The following ROBO1 variants were observed in gnomAD, a reference collection of about 807,000 sequenced individuals.
The protein encoded by ROBO1 is roundabout guidance receptor 1.
ROBO1 carries 149 observed loss-of-function variants against 195.9 expected under a neutral mutation model. That is an observed-to-expected ratio of 0.76 (90% confidence interval 0.67 to 0.87). The LOEUF is 0.87. Ranked by LOEUF, ROBO1 falls within the 40% of genes least tolerant of loss-of-function variation. The pLI, the probability that ROBO1 is intolerant of heterozygous loss-of-function variation, is 0.00. For missense variants in ROBO1, 1,933 were observed against 2,068.3 expected (o/e 0.93, Z 1.27); for synonymous variants, 816 against 733.2 (o/e 1.11, Z -1.82).
intron 2 of ROBO1, among the ~76,000 whole-genome samples, chr3:79,333,018 A>G (rs1415451330): frequency 1.3e-5 from 2 of 152,038 alleles, no homozygotes; most frequent in African/African-American, 4.8e-5. Flanking sequence ...CCCGACCAAT[A>G]CGGCGAAACC....
intron 1 of ROBO1, among the ~76,000 whole-genome samples, chr3:79,647,931 T>A (rs971349881): frequency 6.6e-6 from 1 of 152,170 alleles, no homozygotes; most frequent in African/African-American, 2.4e-5. Flanking sequence ...TCACATTTAT[T>A]TCAATGTCTC....
chr3:79,505,388 A>C (rs181539048), intron 2 of ROBO1, among the ~76,000 whole-genome samples: 35 of 152,280 alleles, frequency 2.3e-4, no homozygotes, highest in Non-Finnish European at 3.8e-4. Context: ...CAATGATATA[A>C]GAAAGACACA....
intron 2 of ROBO1, among the ~76,000 whole-genome samples, chr3:79,304,621 T>G (rs2033136624): frequency 6.6e-6 from 1 of 152,332 alleles, no homozygotes; most frequent in East Asian, 1.9e-4. Context: ...AAACAACATA[T>G]ATTTATTATT....
chr3:79,424,185 T>C (rs2038346756), intron 2 of ROBO1, among the ~76,000 whole-genome samples: 1 of 152,128 alleles, frequency 6.6e-6, no homozygotes, highest in African/African-American at 2.4e-5. Context: ...TCTACATTTT[T>C]AATTGTAGAA....
chr3:79,125,563 G>A, intron 2 of ROBO1, 24 bp from the exon 3 acceptor site: 1 of 1,588,438 alleles, frequency 6.3e-7, no homozygotes, highest in Non-Finnish European at 8.6e-7. Flanking sequence ...CACCAGAGCT[G>A]CTGATGGGGT....
chr3:79,139,057 G>A (rs940137870), intron 2 of ROBO1, among the ~76,000 whole-genome samples: 1 of 151,464 alleles, frequency 6.6e-6, no homozygotes, highest in Non-Finnish European at 1.5e-5. Flanking sequence ...TTAATTTGGG[G>A]TACATCTAGC....
chr3:79,427,956 A>G (rs115915640), intron 2 of ROBO1, among the ~76,000 whole-genome samples: 1 of 152,156 alleles, frequency 6.6e-6, no homozygotes, highest in African/African-American at 2.4e-5. Context: ...ATATGAAGTT[A>G]AAAAGCTTCT....
At chr3:78,651,950 T>G in intron 18 of ROBO1, 21 bp from the exon 19 acceptor site, 1 of 1,601,382 alleles carries the variant, frequency 6.2e-7, no homozygotes. Context: ...ATCTTCCGAT[T>G]AATTTGGGTT....
chr3:79,509,297 C>A (rs755507607), intron 2 of ROBO1, among the ~76,000 whole-genome samples: 1 of 151,474 alleles, frequency 6.6e-6, no homozygotes. Flanking sequence ...ATATTTATGG[C>A]GGAATTAAAT....
At chr3:78,946,350 A>G (rs541715363) in intron 3 of ROBO1, among the ~76,000 whole-genome samples, 1 of 152,364 alleles carries the variant, frequency 6.6e-6, no homozygotes, top group Non-Finnish European at 1.5e-5. Context: ...AAGCTAGAGG[A>G]GAGTGGGGAC....
At chr3:79,359,722 C>A (rs1218538266) in intron 2 of ROBO1, among the ~76,000 whole-genome samples, 1 of 151,912 alleles carries the variant, frequency 6.6e-6, no homozygotes, top group Non-Finnish European at 1.5e-5. Context: ...CTGAACACTT[C>A]TCGGATTATA....
intron 4 of ROBO1, among the ~76,000 whole-genome samples, chr3:78,888,015 G>C (rs573899208): frequency 6.6e-6 from 1 of 152,212 alleles, no homozygotes; most frequent in South Asian, 2.1e-4. Context: ...TGTCTCACGA[G>C]TGAAAAGATC....
Position 78,938,623 on chromosome 3 carries a change from G to T in ROBO1, c.477C>A (p.His159Gln). 6.2e-7 allele frequency: 1 copy of T among 1,611,494 alleles called. No individual in the cohort carries two copies. Among genetic ancestry groups the T allele is most frequent in the Non-Finnish European group, 8.5e-7 (1 of 1,177,890 alleles). ...ARNYLGEAVS[H>Q]NASLEVAILR... ...TACTGGCTACTTCCAGCGATGCATT[G>T]TGGCTCACAGCCTCTCCAAGGTAAT... Residue 159 changes from histidine to glutamine, a missense_variant, in exon 4 of 31, where the codon CAC (histidine) becomes CAA (glutamine). His to Gln is a conservative substitution (Grantham distance 24). This residue lies in a region of ROBO1 where 1,737 missense variants were observed against 1,882.5 expected (regional missense o/e 0.92). Transcript: ENST00000464233.
chr3:78,719,910 T>C lies in ROBO1; in HGVS notation c.658-2027A>G, dbSNP rs1006697632. ...TAAAGGTATACCCAACTTAAGGCTATTGGTTTATATTACTAATTATCTTAT... is the reference window on the plus strand; with the variant it reads ...TAAAGGTATACCCAACTTAAGGCTACTGGTTTATATTACTAATTATCTTAT... On this transcript the variant is annotated intron_variant, in intron 5 of 30. Coordinates refer to ENST00000464233, the MANE Select transcript of ROBO1 (RefSeq NM_002941.4). 6.0e-4 allele frequency among the ~76,000 whole-genome samples: 92 copies of C among 152,314 alleles called. 1 individual carries two copies. Among genetic ancestry groups the C allele is most frequent in the African/African-American group, 2.1e-3 (87 of 41,578 alleles).
intron 18 of ROBO1, 100 bp from the exon 19 acceptor site, chr3:78,652,029 A>G (rs1047472263): frequency 3.1e-5 from 30 of 971,530 alleles, no homozygotes; most frequent in Non-Finnish European, 4.3e-5. Flanking sequence ...CTGGATAATG[A>G]TTTCTGTTTT....
chr3:78,850,437 A>G (rs1447701426), intron 4 of ROBO1, among the ~76,000 whole-genome samples: 1 of 152,230 alleles, frequency 6.6e-6, no homozygotes, highest in Non-Finnish European at 1.5e-5. Context: ...TAAAGCAGTC[A>G]CACAGAAAAT....
chr3:79,265,420 G>A (rs1343774291), intron 2 of ROBO1, among the ~76,000 whole-genome samples: 1 of 151,454 alleles, frequency 6.6e-6, no homozygotes, highest in Non-Finnish European at 1.5e-5. Context: ...CATAAGCCAA[G>A]TACTGATGAA....
chr3:79,508,360 C>G (rs1940523013), intron 2 of ROBO1, among the ~76,000 whole-genome samples: 1 of 152,102 alleles, frequency 6.6e-6, no homozygotes, highest in African/African-American at 2.4e-5. Context: ...AACAGTGAGG[C>G]CAGAGAAGAA....
intron 1 of ROBO1, among the ~76,000 whole-genome samples, chr3:79,634,746 A>G (rs1576155101): frequency 6.6e-6 from 1 of 152,290 alleles, no homozygotes; most frequent in Non-Finnish European, 1.5e-5. Context: ...TACAGAAGTC[A>G]TTTAATTTCC....
Sources: gnomAD v4.1 joint callset for allele counts (sites outside exome capture counted in the v4.1 genomes callset) on GRCh38, gnomAD v4.1.1 for gene constraint, gnomAD v4.1.1 regional missense constraint, MANE v1.5 for transcripts, NCBI Gene and HGNC (gene_info 2026-07-23, HGNC 2026-07-21) for gene names.